Variants in SRPK1 observed in about 807,000 individuals in gnomAD.
SRPK1 encodes SRSF protein kinase 1.
SRPK1 carries 52 observed loss-of-function variants against 89.5 expected under a neutral mutation model. The ratio of observed to expected loss-of-function variants is 0.58; its 90% CI spans 0.46 to 0.73. The LOEUF (loss-of-function observed/expected upper bound fraction) is 0.73, where lower values mean the gene tolerates loss of function less well. Among genes scored for constraint, SRPK1 ranks in the 30% least tolerant of loss-of-function variants. The pLI is 0.00. For missense variants in SRPK1, 603 were observed against 780.6 expected (o/e 0.77, Z 2.71); for synonymous variants, 255 against 270.2 (o/e 0.94, Z 0.55).
At chr6:35,846,528 C>T (rs1769429819) in intron 13 of SRPK1, among the ~76,000 whole-genome samples, 1 of 150,324 alleles carries the variant, frequency 6.7e-6, no homozygotes, top group South Asian at 2.1e-4. Context: ...CAACCTGCGT[C>T]CTGCATGACA....
chr6:35,849,576 T>G (rs574549775), intron 13 of SRPK1, among the ~76,000 whole-genome samples: 2 of 152,352 alleles, frequency 1.3e-5, no homozygotes, highest in South Asian at 4.1e-4. Context: ...AGCCAAGTTA[T>G]GGAATCAACC....
At chr6:35,884,261 G>A (rs1029931806) in intron 6 of SRPK1, among the ~76,000 whole-genome samples, 2 of 152,074 alleles carry the variant, frequency 1.3e-5, no homozygotes, top group African/African-American at 2.4e-5. Flanking sequence ...ATTATATAGA[G>A]AAACCAACTG....
At chr6:35,851,386 C>T (rs1010806957) in intron 13 of SRPK1, among the ~76,000 whole-genome samples, 2 of 151,988 alleles carry the variant, frequency 1.3e-5, no homozygotes, top group Non-Finnish European at 2.9e-5. Flanking sequence ...GTTGGCCAGC[C>T]TGGTCTTGAA....
intron 14 of SRPK1, among the ~76,000 whole-genome samples, chr6:35,841,725 G>A (rs982874675): frequency 1.3e-5 from 2 of 151,048 alleles, no homozygotes; most frequent in African/African-American, 2.4e-5. Context: ...CCAGCTACTC[G>A]AGAGGCCGAG....
chr6:35,870,377 C>A lies in SRPK1; in HGVS notation c.895G>T (p.Gly299Trp). The change falls in exon 10 of 16, where the codon GGG (glycine) becomes TGG (tryptophan). Residue 299 changes from glycine to tryptophan, a missense_variant. By Grantham distance (184) the Gly-to-Trp change is radical. Transcript: ENST00000373825. ...TCTTGCTTGTTTGGTCTTTTTTGCC[C>A]AGGGCCCGACTCTTTCTCCATTTCC... ...IEEMEKESGP[G>W]QKRPNKQEES... 1 of 1,604,102 alleles carries A rather than the reference C, an allele frequency of 6.2e-7. No homozygotes were observed.
chr6:35,851,949 A>G (rs1364364988), intron 13 of SRPK1, among the ~76,000 whole-genome samples: 1 of 152,240 alleles, frequency 6.6e-6, no homozygotes, highest in African/African-American at 2.4e-5. Flanking sequence ...TAATCAAAGC[A>G]TGCCTAAAAT....
In SRPK1 at chr6:35,833,750, G is replaced by A. The variant is rs1348717090; in HGVS notation, c.*1554C>T. On this transcript the variant is annotated 3_prime_UTR_variant, in exon 16 of 16. Transcript: ENST00000373825. ...GTCACTGTGGTGGATAAATGACAAA[G>A]TAGATTCCAATCTCCTGTATAGAAA... The A allele has an allele frequency of 6.6e-6, 1 of 152,612 alleles. No homozygotes were observed. The highest frequency in any genetic ancestry group is 2.4e-5 in the African/African-American group (1 of 41,452). 9.5% of individuals were successfully genotyped at this position (152,612 alleles called of 1,614,324 possible). A position where few individuals can be genotyped will look rare whatever the true frequency, so the allele number is the denominator to read the frequency against.
intron 6 of SRPK1, among the ~76,000 whole-genome samples, chr6:35,885,399 C>T (rs1246708770): frequency 6.6e-6 from 1 of 151,574 alleles, no homozygotes; most frequent in African/African-American, 2.4e-5. Flanking sequence ...TTTCCTTAGA[C>T]ATCTGGGTAA....
intron 6 of SRPK1, among the ~76,000 whole-genome samples, chr6:35,884,436 C>T (rs745488419): frequency 2.0e-5 from 3 of 152,114 alleles, no homozygotes; most frequent in Admixed American, 1.3e-4. Flanking sequence ...AACATACACA[C>T]GAATGTGGAT....
chr6:35,869,178 C>G (rs1311546225), intron 11 of SRPK1, 68 bp from the exon 12 acceptor site: 2 of 1,322,708 alleles, frequency 1.5e-6, no homozygotes, highest in Non-Finnish European at 2.1e-6. Flanking sequence ...AGTAATAAAG[C>G]TCTCCAAGGT....
At chr6:35,912,166 T>C (rs148174522) in intron 2 of SRPK1, among the ~76,000 whole-genome samples, 1 of 151,320 alleles carries the variant, frequency 6.6e-6, no homozygotes, top group Non-Finnish European at 1.5e-5. Flanking sequence ...TGAGATTCCA[T>C]CCCTTAAAAA....
At chr6:35,887,344 G>A (rs1581587287) in intron 5 of SRPK1, among the ~76,000 whole-genome samples, 1 of 152,100 alleles carries the variant, frequency 6.6e-6, no homozygotes, top group Non-Finnish European at 1.5e-5. Flanking sequence ...CAGATCACTT[G>A]AGGCCAGGAG....
At chr6:35,912,731 AC>A (rs1168226405) in intron 2 of SRPK1, among the ~76,000 whole-genome samples, 2 of 152,254 alleles carry the variant, frequency 1.3e-5, no homozygotes. Context: ...GAAAAACCCC[AC>A]AAAAAAGTGC....
intron 15 of SRPK1, among the ~76,000 whole-genome samples, chr6:35,836,877 G>A (rs1769192567): frequency 1.3e-5 from 2 of 151,998 alleles, no homozygotes; most frequent in South Asian, 2.1e-4. Flanking sequence ...GCCTTAATCT[G>A]ACTGCACATG....
chr6:35,907,075 T>TAACA (rs538721817), intron 2 of SRPK1, among the ~76,000 whole-genome samples: 150 of 152,170 alleles, frequency 9.9e-4, no homozygotes, highest in African/African-American at 3.5e-3. Context: ...CAATAGCCAC[T>TAACA]AACACCACAA....
intron 13 of SRPK1, among the ~76,000 whole-genome samples, chr6:35,843,643 G>T (rs56237421): frequency 0.019 from 2,917 of 152,038 alleles, 95 homozygotes; most frequent in African/African-American, 0.066. Context: ...TAGAGATGGG[G>T]TTTTACCATG....
intron 13 of SRPK1, among the ~76,000 whole-genome samples, chr6:35,843,607 C>T (rs954509524): frequency 6.6e-6 from 1 of 151,810 alleles, no homozygotes; most frequent in Non-Finnish European, 1.5e-5. Context: ...CATGCCACCA[C>T]GCCCAGCTAA....
chr6:35,870,892 G>C (rs1261080820), intron 9 of SRPK1, 42 bp downstream of exon 9: 1 of 1,534,462 alleles, frequency 6.5e-7, no homozygotes, highest in Non-Finnish European at 8.9e-7. Flanking sequence ...CATGCCCATA[G>C]TCCATAGATC....
intron 2 of SRPK1, among the ~76,000 whole-genome samples, chr6:35,912,450 G>A (rs778684946): frequency 3.9e-5 from 6 of 152,130 alleles, no homozygotes; most frequent in Non-Finnish European, 7.4e-5. Context: ...TAGCAATAAC[G>A]TATTTTTAAA....
Sources: allele counts gnomAD v4.1 joint callset (sites outside exome capture counted in the v4.1 genomes callset), GRCh38; gene constraint gnomAD v4.1.1; transcripts MANE v1.5; gene names NCBI Gene and HGNC (gene_info 2026-07-23, HGNC 2026-07-21).